CEP70: variants seen among roughly 807,000 people sequenced by gnomAD.
CEP70 encodes the protein centrosomal protein of 70 kDa.
A neutral mutation model predicts 90.9 loss-of-function variants in CEP70; 70 were observed. That is an observed-to-expected ratio of 0.77 (90% confidence interval 0.64 to 0.94). The LOEUF (loss-of-function observed/expected upper bound fraction) is 0.94, where lower values mean the gene tolerates loss of function less well. CEP70 is among the 40% of genes least tolerant of loss of function. CEP70 has a pLI of 0.00. For missense variants in CEP70, 648 were observed against 669.0 expected (o/e 0.97, Z 0.35); for synonymous variants, 220 against 228.3 (o/e 0.96, Z 0.33).
intron 2 of CEP70, among the ~76,000 whole-genome samples, chr3:138,573,191 C>CAA (rs1491524319): frequency 6.6e-6 from 1 of 151,578 alleles, no homozygotes; most frequent in Admixed American, 6.6e-5. Flanking sequence ...ACACATATAC[C>CAA]ACACACACAC....
intron 16 of CEP70, chr3:138,499,748 G>A: frequency 5.8e-6 from 1 of 171,896 alleles, no homozygotes; most frequent in Non-Finnish European, 1.2e-5. Context: ...ACTGGTCTGG[G>A]CAACATGGTG....
At chr3:138,503,732 A>G (rs2034724762) in intron 13 of CEP70, among the ~76,000 whole-genome samples, 1 of 152,142 alleles carries the variant, frequency 6.6e-6, no homozygotes, top group Non-Finnish European at 1.5e-5. Context: ...AAACCATACA[A>G]TAGCAAGAAC....
intron 11 of CEP70, among the ~76,000 whole-genome samples, chr3:138,512,107 G>A (rs1179087836): frequency 6.6e-6 from 1 of 152,140 alleles, no homozygotes; most frequent in African/African-American, 2.4e-5. Flanking sequence ...AAGAAATGTT[G>A]GCTTATGGAT....
intron 6 of CEP70, among the ~76,000 whole-genome samples, chr3:138,557,031 T>C (rs1039523311): frequency 1.4e-4 from 21 of 152,060 alleles, no homozygotes; most frequent in Non-Finnish European, 2.9e-4. Context: ...GCTTATTTCA[T>C]CCCTACAGTC....
chr3:138,576,230 A>T (rs1369941859), intron 2 of CEP70, among the ~76,000 whole-genome samples: 28 of 152,208 alleles, frequency 1.8e-4, no homozygotes, highest in African/African-American at 2.4e-4. Context: ...AGACACACAT[A>T]GGCTCAAAAT....
chr3:138,533,845 C>A (rs896085916), intron 7 of CEP70, among the ~76,000 whole-genome samples: 2 of 151,934 alleles, frequency 1.3e-5, no homozygotes, highest in Admixed American at 6.6e-5. Flanking sequence ...AGTGCAGTGG[C>A]GTCATCCTGG....
intron 5 of CEP70, among the ~76,000 whole-genome samples, chr3:138,570,752 T>C (rs1307265861): frequency 6.6e-6 from 1 of 152,114 alleles, no homozygotes; most frequent in African/African-American, 2.4e-5. Context: ...CCTTTAAGCA[T>C]CATGTTGGTG....
At chr3:138,571,483 G>C in intron 3 of CEP70, 127 bp from the exon 4 acceptor site, 1 of 651,254 alleles carries the variant, frequency 1.5e-6, no homozygotes, top group Non-Finnish European at 2.7e-6. Context: ...AAATGTTTAT[G>C]CATATATAAT....
At chr3:138,562,947 T>C (rs2040514644) in intron 6 of CEP70, among the ~76,000 whole-genome samples, 1 of 152,008 alleles carries the variant, frequency 6.6e-6, no homozygotes, top group Admixed American at 6.5e-5. Context: ...TGTGCTGTAT[T>C]CAGGAGACCC....
At chr3:138,537,382 TG>T in intron 6 of CEP70, 35 bp from the exon 7 acceptor site, 1 of 1,407,204 alleles carries the variant, frequency 7.1e-7, no homozygotes, top group Non-Finnish European at 9.7e-7. Flanking sequence ...GATTATGATA[TG>T]TACATCTAGG....
At chr3:138,528,930 T>C (rs2037545559) in intron 10 of CEP70, among the ~76,000 whole-genome samples, 1 of 152,164 alleles carries the variant, frequency 6.6e-6, no homozygotes, top group South Asian at 2.1e-4. Context: ...AGACAGAGGT[T>C]GCAGTGAGCT....
chr3:138,539,273 G>A (rs900423914), intron 6 of CEP70, among the ~76,000 whole-genome samples: 4 of 152,074 alleles, frequency 2.6e-5, no homozygotes, highest in African/African-American at 7.2e-5. Flanking sequence ...CTTGGCCTCC[G>A]AAAGTGCTGG....
At chr3:138,519,150 T>C (rs1265906870) in intron 11 of CEP70, among the ~76,000 whole-genome samples, 1 of 151,988 alleles carries the variant, frequency 6.6e-6, no homozygotes, top group Non-Finnish European at 1.5e-5. Context: ...TAAAAAGAAA[T>C]GAACAAAGCC....
chr3:138,571,194 TA>T, intron 4 of CEP70, 37 bp from the exon 5 acceptor site: 1 of 1,552,578 alleles, frequency 6.4e-7, no homozygotes, highest in East Asian at 2.3e-5. Flanking sequence ...ATAGTAAAAA[TA>T]AAAGGCAAAA....
At chr3:138,537,001 C>CAAAAAA (rs57447148) in intron 7 of CEP70, 177 bp downstream of exon 7, 130 of 250,118 alleles carry the variant, frequency 5.2e-4, no homozygotes, top group African/African-American at 1.4e-3. Context: ...ACCTCTAGAA[C>CAAAAAA]AAAAAAAAAA....
At chr3:138,561,081 G>C (rs964739681) in intron 6 of CEP70, among the ~76,000 whole-genome samples, 1 of 152,108 alleles carries the variant, frequency 6.6e-6, no homozygotes, top group African/African-American at 2.4e-5. Context: ...ACTGAACTCC[G>C]TGTCTCCTGA....
intron 17 of CEP70, chr3:138,496,386 C>T (rs1017924653): frequency 2.0e-5 from 20 of 985,288 alleles, no homozygotes; most frequent in Non-Finnish European, 2.4e-5. Flanking sequence ...GATATGGGAA[C>T]AGAAACAATA....
intron 11 of CEP70, 31 bp from the exon 12 acceptor site, chr3:138,508,575 A>T (rs756319218): frequency 7.3e-7 from 1 of 1,364,288 alleles, no homozygotes; most frequent in Non-Finnish European, 1.0e-6. Flanking sequence ...AAGATAATAC[A>T]AAATTACTTC....
intron 11 of CEP70, among the ~76,000 whole-genome samples, chr3:138,522,558 C>G (rs2036776201): frequency 6.6e-6 from 1 of 152,156 alleles, no homozygotes; most frequent in African/African-American, 2.4e-5. Flanking sequence ...ACAGATCCCA[C>G]AGAAATACAA....
Sources: gnomAD v4.1 joint callset for allele counts (sites outside exome capture counted in the v4.1 genomes callset) on GRCh38, gnomAD v4.1.1 for gene constraint, MANE v1.5 for transcripts, NCBI Gene and HGNC (gene_info 2026-07-23, HGNC 2026-07-21) for gene names.